CCDC6: variants seen among roughly 807,000 people sequenced by gnomAD.
CCDC6 encodes the protein coiled-coil domain containing 6.
In CCDC6, 20 loss-of-function variants were observed where a neutral mutation model predicts 56.6. That is an observed-to-expected ratio of 0.35 (90% confidence interval 0.25 to 0.51). The LOEUF (loss-of-function observed/expected upper bound fraction) is 0.51, where lower values mean the gene tolerates loss of function less well. Among genes scored for constraint, CCDC6 ranks in the 20% least tolerant of loss-of-function variants. The probability of loss-of-function intolerance (pLI) is 0.95; values close to 1 mark genes in which losing one functional copy is unlikely to be tolerated. For missense variants in CCDC6, 367 were observed against 601.1 expected (o/e 0.61, Z 4.07); for synonymous variants, 241 against 234.4 (o/e 1.03, Z -0.26).
At chr10:59,875,991 G>A (rs1381748747) in intron 1 of CCDC6, among the ~76,000 whole-genome samples, 2 of 144,216 alleles carry the variant, frequency 1.4e-5, no homozygotes, top group East Asian at 2.1e-4. Flanking sequence ...AATAACGGTT[G>A]TTAAAAAAAT....
rs193300842 is a variant in CCDC6 at position 59,843,310 on chromosome 10, G to A, written c.453+9243C>T. 2.0e-5 allele frequency among the ~76,000 whole-genome samples: 3 copies of A among 152,322 alleles called. No homozygotes were observed. The East Asian group carries it at 5.8e-4, about 29-fold the overall frequency. ...CAATTTCTTTACGGGACAGAAGACA[G>A]TTTTCTTTTTCTTCCTCAGTCAGCT... On this transcript the variant is annotated intron_variant, in intron 2 of 8. Coordinates refer to ENST00000263102, the MANE Select transcript of CCDC6 (RefSeq NM_005436.5).
chr10:59,838,880 T>C (rs954356334), intron 2 of CCDC6, among the ~76,000 whole-genome samples: 4 of 152,196 alleles, frequency 2.6e-5, no homozygotes, highest in Non-Finnish European at 5.9e-5. Context: ...CATAAAAGAC[T>C]TCCCCAATGC....
chr10:59,874,720 G>A (rs958834597), intron 1 of CCDC6, among the ~76,000 whole-genome samples: 1 of 63,514 alleles, frequency 1.6e-5, no homozygotes, highest in African/African-American at 6.6e-5. Flanking sequence ...CTTTAAAATG[G>A]AAAATGGAGG....
intron 2 of CCDC6, among the ~76,000 whole-genome samples, chr10:59,839,959 G>A (rs1207977275): frequency 6.6e-6 from 1 of 152,102 alleles, no homozygotes; most frequent in Non-Finnish European, 1.5e-5. Context: ...CCGAGTAGCT[G>A]GAATTACAGG....
chr10:59,904,516 A>G (rs1209732454), intron 1 of CCDC6, among the ~76,000 whole-genome samples: 1 of 152,154 alleles, frequency 6.6e-6, no homozygotes, highest in African/African-American at 2.4e-5. Flanking sequence ...CCTCTCATTT[A>G]CTAACTCAAA....
At position 59,885,916 on chromosome 10, in the gene CCDC6, CCCCCCG is replaced by C. The variant is rs1564757569; in HGVS notation, c.303+20200_303+20205del. On this transcript the variant is annotated intron_variant, in intron 1 of 8. Transcript: ENST00000263102. ...TGTCTGATGTCTATTTCCAACCCCG[CCCCCCG>C]CCCCCCCAACTAGAATATCAGCTGC... Among the ~76,000 whole-genome samples, 32 of 106,966 alleles carry C rather than the reference CCCCCCG, an allele frequency of 3.0e-4. 1 individual carries two copies. Among genetic ancestry groups the C allele is most frequent in the East Asian group, 1.3e-3 (5 of 3,916 alleles). 70.2% of individuals were successfully genotyped at this position (106,966 alleles called of 152,430 possible). A position where few individuals can be genotyped will look rare whatever the true frequency, so the allele number is the denominator to read the frequency against.
chr10:59,802,871 C>T (rs561759751), intron 7 of CCDC6, among the ~76,000 whole-genome samples: 18 of 152,266 alleles, frequency 1.2e-4, no homozygotes, highest in African/African-American at 4.3e-4. Context: ...AATTACATGC[C>T]TCTAAGGCTT....
chr10:59,880,535 G>A (rs1243352643), intron 1 of CCDC6, among the ~76,000 whole-genome samples: 1 of 152,232 alleles, frequency 6.6e-6, no homozygotes, highest in African/African-American at 2.4e-5. Flanking sequence ...GCACAGTGGA[G>A]TCCAGGTATT....
intron 3 of CCDC6, among the ~76,000 whole-genome samples, chr10:59,823,616 C>T (rs925587543): frequency 6.6e-6 from 1 of 151,932 alleles, no homozygotes; most frequent in Non-Finnish European, 1.5e-5. Context: ...GGCAACTTCT[C>T]TTGCCCTAAT....
chr10:59,816,079 TCA>T (rs561171669), intron 3 of CCDC6, among the ~76,000 whole-genome samples: 569 of 152,076 alleles, frequency 3.7e-3, no homozygotes, highest in Non-Finnish European at 5.4e-3. Context: ...CTTAAGGAGC[TCA>T]CAGAGAGCAA....
Position 59,824,370 on chromosome 10 carries a change from T to C in CCDC6, c.582+8155A>G, listed in dbSNP as rs534283763. 2.0e-5 allele frequency among the ~76,000 whole-genome samples: 3 copies of C among 152,256 alleles called. No homozygotes were observed. The South Asian group carries it at 6.2e-4, about 32-fold the overall frequency. ...CCTGAAGCTTCTTTTGAGTATGGTGTATTGACCCTAGTTTTCTCACTTCCA... is the reference window on the plus strand; with the variant it reads ...CCTGAAGCTTCTTTTGAGTATGGTGCATTGACCCTAGTTTTCTCACTTCCA... On this transcript the variant is annotated intron_variant, in intron 3 of 8. Transcript: ENST00000263102.
intron 2 of CCDC6, among the ~76,000 whole-genome samples, chr10:59,847,751 C>G (rs988354237): frequency 6.7e-6 from 1 of 149,158 alleles, no homozygotes; most frequent in African/African-American, 2.5e-5. Context: ...AAGAAAATAA[C>G]ATAACCTATA....
intron 2 of CCDC6, among the ~76,000 whole-genome samples, chr10:59,845,346 GTT>G (rs151236986): frequency 0.039 from 3,779 of 97,050 alleles, 42 homozygotes; most frequent in African/African-American, 0.13. Flanking sequence ...GCCCCTATGG[GTT>G]TTTTTTTTTT....
At chr10:59,872,002 G>A (rs1589056793) in intron 1 of CCDC6, among the ~76,000 whole-genome samples, 2 of 152,244 alleles carry the variant, frequency 1.3e-5, no homozygotes, top group South Asian at 2.1e-4. Context: ...AGAAAATAAG[G>A]AGCCAATTAT....
intron 1 of CCDC6, among the ~76,000 whole-genome samples, chr10:59,860,027 A>G (rs1176118637): frequency 1.3e-5 from 2 of 152,238 alleles, no homozygotes; most frequent in Non-Finnish European, 2.9e-5. Context: ...GGTTGCAGTG[A>G]GCCAGTTTTG....
At chr10:59,802,466 C>T (rs945574195) in intron 7 of CCDC6, among the ~76,000 whole-genome samples, 1 of 152,136 alleles carries the variant, frequency 6.6e-6, no homozygotes, top group African/African-American at 2.4e-5. Flanking sequence ...CTGGAATATT[C>T]AGGTTTTGGT....
intron 1 of CCDC6, among the ~76,000 whole-genome samples, chr10:59,892,315 G>C (rs1374014826): frequency 3.9e-5 from 6 of 152,146 alleles, no homozygotes; most frequent in Admixed American, 1.3e-4. Flanking sequence ...AAAAAAACCA[G>C]ATCTTTTAGG....
rs199614076 is a variant in CCDC6 at position 59,819,940 on chromosome 10, CA to C, written c.583-5186del. On this transcript the variant is annotated intron_variant, in intron 3 of 8. Transcript: ENST00000263102. ...TAATTAAGTCAGTTCAATGAACTGC[CA>C]AATTCTTTACTCCTCTTGAGTAGCT... Among the ~76,000 whole-genome samples, 783 of 152,308 alleles carry C rather than the reference CA, an allele frequency of 5.1e-3. 4 individuals are homozygous for C. The highest frequency in any genetic ancestry group is 0.018 in the African/African-American group (737 of 41,554).
At chr10:59,818,077 G>A (rs986362731) in intron 3 of CCDC6, among the ~76,000 whole-genome samples, 2 of 152,110 alleles carry the variant, frequency 1.3e-5, no homozygotes, top group Admixed American at 6.5e-5. Flanking sequence ...CAAGTACAGA[G>A]GAACTTGAGG....
Sources: allele counts gnomAD v4.1 joint callset (sites outside exome capture counted in the v4.1 genomes callset), GRCh38; gene constraint gnomAD v4.1.1; transcripts MANE v1.5; gene names NCBI Gene and HGNC (gene_info 2026-07-23, HGNC 2026-07-21).